SRP19: variants seen among roughly 807,000 people sequenced by gnomAD.
The protein encoded by SRP19 is signal recognition particle 19 kDa protein.
In SRP19, 11 loss-of-function variants were observed where a neutral mutation model predicts 22.4. The observed-to-expected ratio is 0.49, with a 90% CI of 0.31 to 0.81. SRP19 has a LOEUF of 0.81. Among genes scored for constraint, SRP19 ranks in the 40% least tolerant of loss-of-function variants. The probability of loss-of-function intolerance (pLI) is 0.05; values close to 1 mark genes in which losing one functional copy is unlikely to be tolerated. For synonymous variants in SRP19, 61 were observed against 57.6 expected (o/e 1.06, Z -0.27); for missense variants, 168 against 175.9 (o/e 0.96, Z 0.25).
intron 1 of SRP19, chr5:112,862,282 A>G (rs1445830048): frequency 1.2e-5 from 7 of 581,336 alleles, no homozygotes; most frequent in South Asian, 6.0e-5. Flanking sequence ...AGGGGGATCA[A>G]TCAGAAAGAG....
chr5:112,881,808 C>G (rs1482249289), intron 4 of SRP19: 2 of 152,240 alleles, frequency 1.3e-5, no homozygotes, highest in Non-Finnish European at 2.9e-5. Context: ...CTCTGTCACC[C>G]AGGCTGGAAT....
At chr5:112,862,213 G>A in intron 1 of SRP19, 1 of 387,924 alleles carries the variant, frequency 2.6e-6, no homozygotes, top group Non-Finnish European at 4.7e-6. Context: ...GAATTTTCTA[G>A]GGTTTAAATA....
At chr5:112,889,226 A>G (rs1205280464) in intron 4 of SRP19, among the ~76,000 whole-genome samples, 1 of 148,634 alleles carries the variant, frequency 6.7e-6, no homozygotes, top group African/African-American at 2.6e-5. Flanking sequence ...ACAGAGCAAG[A>G]GCTCATCTCA....
intron 4 of SRP19, chr5:112,876,986 C>T (rs1469577151): frequency 6.6e-6 from 1 of 151,820 alleles, no homozygotes; most frequent in African/African-American, 2.4e-5. Context: ...CTAGAAGTTG[C>T]TGATTTTCAT....
rs142780231 is a variant in SRP19 at position 112,888,329 on chromosome 5, A to C, written c.302-3274A>C. ...TCAGTTTAAAATGCACAAATAGCTCACTCCATCAGCACCATGTTGGCTCTG... is the reference window on the plus strand; with the variant it reads ...TCAGTTTAAAATGCACAAATAGCTCCCTCCATCAGCACCATGTTGGCTCTG... On this transcript the variant is annotated intron_variant, in intron 4 of 4. Coordinates refer to the SRP19 transcript ENST00000391338. Among the ~76,000 whole-genome samples the C allele has an allele frequency of 4.1e-3, 617 of 152,290 alleles. 2 individuals carry two copies. The highest frequency in any genetic ancestry group is 0.014 in the African/African-American group (594 of 41,572).
chr5:112,880,581 A>G (rs1768042070), intron 4 of SRP19, among the ~76,000 whole-genome samples: 1 of 152,254 alleles, frequency 6.6e-6, no homozygotes, highest in Admixed American at 6.5e-5. Context: ...AACCCTTTGT[A>G]GAAATTCCTA....
chr5:112,896,944 A>T (rs1340325973), downstream of SRP19: 1 of 152,162 alleles, frequency 6.6e-6, no homozygotes, highest in East Asian at 1.9e-4. Context: ...AAGTAAAGTA[A>T]ATCTAGAAAA....
At chr5:112,886,654 T>C (rs1768257133) in intron 4 of SRP19, among the ~76,000 whole-genome samples, 1 of 152,228 alleles carries the variant, frequency 6.6e-6, no homozygotes, top group East Asian at 1.9e-4. Context: ...GCTTTCTCCA[T>C]TTATTTAAAA....
Position 112,868,194 on chromosome 5 carries a change from G to A in SRP19, c.*657G>A. The A allele has an allele frequency of 1.0e-6, 1 of 985,436 alleles. No homozygotes were observed. Among genetic ancestry groups the A allele is most frequent in the South Asian group, 4.7e-5 (1 of 21,290 alleles). The allele number at this position is 985,436 out of a possible 1,614,324, so 61.0% of individuals were successfully genotyped here. A position where few individuals can be genotyped will look rare whatever the true frequency, so the allele number is the denominator to read the frequency against. On this transcript the variant is annotated 3_prime_UTR_variant, in exon 5 of 5. Transcript: ENST00000505459. ...TAAGAACATGATTTTCATGGGAGTT[G>A]TAAAATTAACTGTGCTTTAGCACCT...
At chr5:112,895,250 A>AAAAAAAAAAAAAAAAAAAAAG, downstream of SRP19, 1 of 146,510 alleles carries the variant, frequency 6.8e-6, no homozygotes, top group Non-Finnish European at 1.5e-5. Flanking sequence ...AAAAAAAAAA[A>AAAAAAAAAAAAAAAAAAAAAG]AAAAAAAATC....
rs1168915154 is a variant in SRP19 at position 112,867,863 on chromosome 5, C to T, written c.*326C>T. ...AAATTTCAATTAGATTTAAAATAAA[C>T]ATTTTGTCCACCTTTTAAGTTAATG... is the stretch of plus-strand genomic sequence containing the variant. On this transcript the variant is annotated 3_prime_UTR_variant, in exon 5 of 5. Transcript: ENST00000505459. 1 of 1,022,940 alleles carries T rather than the reference C, an allele frequency of 9.8e-7. No individual in the cohort carries two copies. The highest frequency in any genetic ancestry group is 1.7e-5 in the African/African-American group (1 of 58,944). 63.4% of individuals were successfully genotyped at this position (1,022,940 alleles called of 1,614,324 possible).
chr5:112,893,295 A>T (rs541621138), downstream of SRP19: 10 of 244,230 alleles, frequency 4.1e-5, no homozygotes, highest in South Asian at 5.1e-4. Context: ...CTGTAATCCA[A>T]GCTACTTGGG....
chr5:112,892,612 T>C, exon 5 of SRP19: 5 of 1,614,058 alleles, frequency 3.1e-6, no homozygotes, highest in Non-Finnish European at 4.2e-6. Flanking sequence ...AATACAACAA[T>C]GTCCAAGAGG....
At chr5:112,879,429 C>A (rs890391316) in intron 4 of SRP19, among the ~76,000 whole-genome samples, 3 of 152,106 alleles carry the variant, frequency 2.0e-5, no homozygotes, top group African/African-American at 7.2e-5. Flanking sequence ...GAATGGCATA[C>A]ATAGTATTTC....
exon 5 of SRP19, chr5:112,891,671 A>G (rs1768455273): frequency 3.1e-6 from 5 of 1,613,368 alleles, no homozygotes; most frequent in Non-Finnish European, 4.2e-6. Context: ...ACGTTTCCCA[A>G]GAAGATGACA....
At chr5:112,891,483 AAAGT>A in intron 4 of SRP19, 1 of 991,798 alleles carries the variant, frequency 1.0e-6, no homozygotes, top group Non-Finnish European at 1.4e-6. Context: ...AAACAAAATG[AAAGT>A]AATTTGTAAT....
downstream of SRP19, chr5:112,894,451 G>A (rs1479918532): frequency 6.6e-6 from 1 of 152,106 alleles, no homozygotes; most frequent in African/African-American, 2.4e-5. Context: ...TTCATACAAT[G>A]TTTTACTGTA....
exon 5 of SRP19, chr5:112,892,545 G>A (rs947391859): frequency 2.5e-6 from 4 of 1,614,204 alleles, no homozygotes; most frequent in Non-Finnish European, 3.4e-6. Context: ...GACGACAGCT[G>A]CAATGTGAAT....
downstream of SRP19, chr5:112,894,666 G>C (rs1439481372): frequency 6.6e-6 from 1 of 152,178 alleles, no homozygotes; most frequent in African/African-American, 2.4e-5. Flanking sequence ...TTGGAGAGCA[G>C]CAAGTGTTTT....
Sources: gnomAD v4.1 joint callset for allele counts (sites outside exome capture counted in the v4.1 genomes callset) on GRCh38, gnomAD v4.1.1 for gene constraint, MANE v1.5 for transcripts, NCBI Gene and HGNC (gene_info 2026-07-23, HGNC 2026-07-21) for gene names.